The following MAN1A2 variants were observed in gnomAD, a reference collection of about 807,000 sequenced individuals.
MAN1A2 encodes mannosyl-oligosaccharide 1,2-alpha-mannosidase IB.
MAN1A2 carries 26 observed loss-of-function variants against 75.7 expected under a neutral mutation model. The observed-to-expected ratio is 0.34, with a 90% CI of 0.25 to 0.48. MAN1A2 has a LOEUF of 0.48. Among genes scored for constraint, MAN1A2 ranks in the 20% least tolerant of loss-of-function variants. MAN1A2 has a pLI of 0.99. For missense variants in MAN1A2, 562 were observed against 775.5 expected (o/e 0.72, Z 3.27); for synonymous variants, 247 against 264.6 (o/e 0.93, Z 0.65).
intron 12 of MAN1A2, among the ~76,000 whole-genome samples, chr1:117,513,252 A>T: frequency 6.6e-6 from 1 of 152,164 alleles, no homozygotes; most frequent in East Asian, 1.9e-4. Context: ...GAGTTTTACA[A>T]GGTAAACAAT....
At chr1:117,489,627 C>G (rs1057121756) in intron 8 of MAN1A2, among the ~76,000 whole-genome samples, 1 of 151,892 alleles carries the variant, frequency 6.6e-6, no homozygotes, top group South Asian at 2.1e-4. Flanking sequence ...TTAGCTTTAA[C>G]GTACGAAGCT....
chr1:117,376,203 G>C (rs1417175254), intron 1 of MAN1A2, among the ~76,000 whole-genome samples: 1 of 152,138 alleles, frequency 6.6e-6, no homozygotes, highest in Non-Finnish European at 1.5e-5. Flanking sequence ...AGCCCACTGC[G>C]CCCGGCCCTA....
intron 1 of MAN1A2, among the ~76,000 whole-genome samples, chr1:117,394,892 G>A (rs1334375803): frequency 6.6e-6 from 1 of 152,142 alleles, no homozygotes; most frequent in African/African-American, 2.4e-5. Context: ...TTTAAGGACG[G>A]GTGAAACTTC....
At chr1:117,425,870 GAA>G (rs1347171712) in intron 5 of MAN1A2, among the ~76,000 whole-genome samples, 1 of 152,110 alleles carries the variant, frequency 6.6e-6, no homozygotes, top group East Asian at 1.9e-4. Context: ...AAAAATAAAA[GAA>G]ATGCCTTTTT....
Position 117,527,674 on chromosome 1 carries a change from A to T in MAN1A2, c.*4717A>T, listed in dbSNP as rs1327783637. The T allele has an allele frequency of 1.3e-5, 2 of 151,982 alleles. No individual in the cohort carries two copies. Among genetic ancestry groups the T allele is most frequent in the African/African-American group, 4.8e-5 (2 of 41,414 alleles). 9.4% of individuals were successfully genotyped at this position (151,982 alleles called of 1,614,324 possible). A position where few individuals can be genotyped will look rare whatever the true frequency, so the allele number is the denominator to read the frequency against. On this transcript the variant is annotated 3_prime_UTR_variant, in exon 13 of 13. Transcript: ENST00000356554. Reference sequence around the variant, plus strand: ...TGCCATAATTTCAGATTCTCTATGTAAAAAGAAGGTCTGTGTATTGTCAAA... The same window carrying T: ...TGCCATAATTTCAGATTCTCTATGTTAAAAGAAGGTCTGTGTATTGTCAAA...
intron 6 of MAN1A2, among the ~76,000 whole-genome samples, chr1:117,444,126 C>A (rs1276526045): frequency 6.6e-6 from 1 of 152,054 alleles, no homozygotes; most frequent in African/African-American, 2.4e-5. Flanking sequence ...TCTTATCTTT[C>A]TCACTCAATA....
At chr1:117,428,613 A>AACTATTC (rs1648458946) in intron 5 of MAN1A2, among the ~76,000 whole-genome samples, 1 of 152,100 alleles carries the variant, frequency 6.6e-6, no homozygotes, top group African/African-American at 2.4e-5. Flanking sequence ...AGCAAGACCA[A>AACTATTC]ACTATTCACA....
At chr1:117,465,543 G>A (rs76876648) in intron 7 of MAN1A2, among the ~76,000 whole-genome samples, 165 of 152,244 alleles carry the variant, frequency 1.1e-3, no homozygotes, top group Non-Finnish European at 2.0e-3. Context: ...CCAGAAAAGT[G>A]AAGTATATAT....
At chr1:117,396,103 G>A (rs774309146) in intron 1 of MAN1A2, among the ~76,000 whole-genome samples, 4 of 152,208 alleles carry the variant, frequency 2.6e-5, no homozygotes, top group Non-Finnish European at 5.9e-5. Context: ...AGGCATCATT[G>A]ATTGATTACT....
intron 7 of MAN1A2, among the ~76,000 whole-genome samples, chr1:117,463,873 G>A (rs1649902633): frequency 6.6e-6 from 1 of 152,048 alleles, no homozygotes; most frequent in African/African-American, 2.4e-5. Flanking sequence ...ATAGCTAATG[G>A]AAAACAACAA....
chr1:117,416,397 T>C (rs1647994664), intron 4 of MAN1A2, among the ~76,000 whole-genome samples: 1 of 152,174 alleles, frequency 6.6e-6, no homozygotes, highest in South Asian at 2.1e-4. Flanking sequence ...TTTTGTTCTT[T>C]CAAGTTCTGG....
intron 3 of MAN1A2, among the ~76,000 whole-genome samples, chr1:117,412,777 C>A (rs1004234784): frequency 3.5e-4 from 53 of 151,752 alleles, no homozygotes; most frequent in African/African-American, 1.2e-3. Flanking sequence ...ATGATGATAG[C>A]CAGTAATTTC....
intron 1 of MAN1A2, among the ~76,000 whole-genome samples, chr1:117,379,702 C>G (rs929308375): frequency 6.6e-6 from 1 of 152,108 alleles, no homozygotes; most frequent in African/African-American, 2.4e-5. Context: ...TACATGCTCT[C>G]CATATTTCAC....
chr1:117,526,787 G>A lies in MAN1A2; in HGVS notation c.*3830G>A, dbSNP rs1652031246. 1 of 145,104 alleles carries A rather than the reference G, an allele frequency of 6.9e-6. No individual in the cohort carries two copies. Among genetic ancestry groups the A allele is most frequent in the Non-Finnish European group, 1.5e-5 (1 of 66,502 alleles). The allele number at this position is 145,104 out of a possible 1,614,324, so 9.0% of individuals were successfully genotyped here. A position where few individuals can be genotyped will look rare whatever the true frequency, so the allele number is the denominator to read the frequency against. On this transcript the variant is annotated 3_prime_UTR_variant, in exon 13 of 13. Coordinates refer to ENST00000356554, the MANE Select transcript of MAN1A2 (RefSeq NM_006699.5). ...TAACAGTTCCTAGTAATAGTATTTT[G>A]AGTTATTTTTCTTTAGGTTTCCTTA... is the stretch of plus-strand genomic sequence containing the variant.
chr1:117,452,650 C>CAGG (rs1377380348), intron 6 of MAN1A2, among the ~76,000 whole-genome samples: 2 of 152,170 alleles, frequency 1.3e-5, no homozygotes, highest in Admixed American at 1.3e-4. Context: ...GAGGAAGCTG[C>CAGG]AGAAGAGTTT....
chr1:117,478,695 G>T (rs1395794544), intron 8 of MAN1A2, among the ~76,000 whole-genome samples: 1 of 151,830 alleles, frequency 6.6e-6, no homozygotes, highest in African/African-American at 2.4e-5. Flanking sequence ...CATTGCCTTT[G>T]CAGCTTTGTT....
At chr1:117,486,667 C>A (rs1044250878) in intron 8 of MAN1A2, among the ~76,000 whole-genome samples, 1 of 151,750 alleles carries the variant, frequency 6.6e-6, no homozygotes, top group African/African-American at 2.4e-5. Flanking sequence ...TAATAAAGTT[C>A]CTGGAATATA....
At chr1:117,463,203 T>C (rs1270854714) in intron 7 of MAN1A2, among the ~76,000 whole-genome samples, 1 of 151,350 alleles carries the variant, frequency 6.6e-6, no homozygotes, top group Non-Finnish European at 1.5e-5. Flanking sequence ...AAGGAAAAAA[T>C]GTAACTTCAT....
intron 5 of MAN1A2, among the ~76,000 whole-genome samples, chr1:117,422,051 T>A (rs1648218055): frequency 6.6e-6 from 1 of 152,136 alleles, no homozygotes; most frequent in African/African-American, 2.4e-5. Context: ...ATTGTTATTT[T>A]TAGTAAGGTT....
Sources: allele counts gnomAD v4.1 joint callset (sites outside exome capture counted in the v4.1 genomes callset), GRCh38; gene constraint gnomAD v4.1.1; transcripts MANE v1.5; gene names NCBI Gene and HGNC (gene_info 2026-07-23, HGNC 2026-07-21).